SH3TC1: variants seen among roughly 807,000 people sequenced by gnomAD.
SH3TC1 encodes SH3 domain and tetratricopeptide repeat-containing protein 1.
SH3TC1 carries 135 observed loss-of-function variants against 117.3 expected under a neutral mutation model. That is an observed-to-expected ratio of 1.15 (90% CI 1.00 to 1.33). The LOEUF (loss-of-function observed/expected upper bound fraction) is 1.33. Ranked by LOEUF, SH3TC1 falls within the 40% of genes most tolerant of loss-of-function variation. The probability of loss-of-function intolerance (pLI) is 0.00; values close to 1 mark genes in which losing one functional copy is unlikely to be tolerated. For missense variants in SH3TC1, 2,092 were observed against 1,794.3 expected, an observed-to-expected ratio of 1.17 and a Z score of -3.00; for synonymous variants, 898 against 816.9, an observed-to-expected ratio of 1.10 and a Z score of -1.69.
intron 12 of SH3TC1, chr4:8,229,355 G>C (rs1195589013): frequency 1.3e-5 from 2 of 150,452 alleles, no homozygotes; most frequent in East Asian, 4.0e-4. Context: ...AGTAATACGT[G>C]GTGGGTGAGG....
chr4:8,227,913 C>A lies in SH3TC1; in HGVS notation c.2219C>A (p.Ser740Ter). The A allele has an allele frequency of 6.2e-7, 1 of 1,612,652 alleles. No individual in the cohort carries two copies. The highest frequency in any genetic ancestry group is 8.5e-7 in the Non-Finnish European group (1 of 1,179,932). The change falls in exon 12 of 18, where the codon TCG becomes TAG. Residue 740 changes from serine (S) to a stop codon, truncating the protein, a stop_gained. Transcript: ENST00000245105. LOFTEE classifies it high-confidence loss of function. ...GTGGCCTCATTGCGGACACGGGGCT[C>A]GCTGGCCGGCTCGCTGAGGAGTGTG... ...VKVASLRTRG[S>*]LAGSLRSVNL...
At position 8,218,741 on chromosome 4, in the gene SH3TC1, G is replaced by A. The variant is rs573284085; in HGVS notation, c.916+394G>A. Among the ~76,000 whole-genome samples the A allele has an allele frequency of 1.9e-3, 293 of 152,364 alleles. 1 individual carries two copies. Among genetic ancestry groups the A allele is most frequent in the African/African-American group, 6.6e-3 (274 of 41,594 alleles). ...GGAAACGCCTGGAAGGCCCTGGGCCGAGGTGGGCTGGCGCTGGCTGAATTT... is the reference window on the plus strand; with the variant it reads ...GGAAACGCCTGGAAGGCCCTGGGCCAAGGTGGGCTGGCGCTGGCTGAATTT... On this transcript the variant is annotated intron_variant, in intron 8 of 17. Transcript: ENST00000245105.
chr4:8,239,949 C>T lies in SH3TC1; in HGVS notation c.3754-749C>T, dbSNP rs368905239. 9.6e-4 allele frequency among the ~76,000 whole-genome samples: 147 copies of T among 152,336 alleles called. 1 individual carries two copies. Among genetic ancestry groups the T allele is most frequent in the African/African-American group, 3.2e-3 (133 of 41,588 alleles). ...TCGCACCCCTGCCCTGTGTGTGGGGCGGGGCCGTGAGGGCATGGGCTGCTG... is the reference window on the plus strand; with the variant it reads ...TCGCACCCCTGCCCTGTGTGTGGGGTGGGGCCGTGAGGGCATGGGCTGCTG... On this transcript the variant is annotated intron_variant, in intron 17 of 17. Transcript: ENST00000245105.
chr4:8,226,537 C>T (rs1720472236), intron 11 of SH3TC1, among the ~76,000 whole-genome samples: 1 of 152,204 alleles, frequency 6.6e-6, no homozygotes, highest in Non-Finnish European at 1.5e-5. Flanking sequence ...TCATGGATTC[C>T]TGTACCCCAT....
In SH3TC1 at chr4:8,232,395, C is replaced by T. The variant is rs760157168; in HGVS notation, c.3131+239C>T. 9 of 1,579,796 alleles carry T rather than the reference C, an allele frequency of 5.7e-6. No homozygotes were observed. In the South Asian group the frequency reaches 6.7e-5, roughly 12 times the overall value. ...ACACGTCTTCCCATCCCTGCTTGCA[C>T]ACCTCCCCAAAGGTCATCTCAACCC... On this transcript the variant is annotated intron_variant, in intron 13 of 17. Transcript: ENST00000245105.
At chr4:8,235,086 G>A (rs1011294580) in intron 14 of SH3TC1, among the ~76,000 whole-genome samples, 4 of 152,258 alleles carry the variant, frequency 2.6e-5, no homozygotes, top group African/African-American at 9.6e-5. Context: ...GCTGTGGCAG[G>A]GATGTGGCAA....
Position 8,205,981 on chromosome 4 carries a change from T to A in SH3TC1, c.172+615T>A. On this transcript the variant is annotated intron_variant, in intron 2 of 17. Coordinates refer to ENST00000245105, the MANE Select transcript of SH3TC1 (RefSeq NM_018986.5). This position sits in a 1 kb window ranked among gnomAD's most constrained non-coding sequence, Gnocchi z 5.4. ...GACAGCTGCGGTTGTGACCCGTCCC[T>A]GGGCCTCGTCCTCCCAGTGTCCAGC... 2.6e-6 allele frequency: 1 copy of A among 390,092 alleles called. No individual in the cohort carries two copies. Among genetic ancestry groups the A allele is most frequent in the Non-Finnish European group, 4.7e-6 (1 of 214,892 alleles). The allele number at this position is 390,092 out of a possible 1,614,324, so 24.2% of individuals were successfully genotyped here.
chr4:8,235,625 G>A (rs1721742025), intron 15 of SH3TC1, 70 bp downstream of exon 15: 4 of 1,484,068 alleles, frequency 2.7e-6, no homozygotes, highest in Non-Finnish European at 3.6e-6. Context: ...GCACAGGTGT[G>A]GCAGGGCAGA....
rs762852482 is a variant in SH3TC1 at position 8,214,592 on chromosome 4, ACCCT to A, written c.481+16_481+19del. 20 of 1,611,312 alleles carry A rather than the reference ACCCT, an allele frequency of 1.2e-5. No individual in the cohort carries two copies. The highest frequency in any genetic ancestry group is 1.6e-5 in the Non-Finnish European group (19 of 1,178,048). ...CTACCATGCTCTCGGTAAAGAGGTG[ACCCT>A]CCCAGAATTGGTCATGGGGACGCCC... is the stretch of plus-strand genomic sequence containing the variant. On this transcript the variant is annotated intron_variant, in intron 5 of 17. Transcript: ENST00000245105.
chr4:8,182,393 TC>T (rs1284209895), intron 1 of SH3TC1, among the ~76,000 whole-genome samples: 2 of 152,054 alleles, frequency 1.3e-5, no homozygotes, highest in African/African-American at 4.8e-5. Context: ...GGGTGCTGCC[TC>T]GAATGGGGTT....
rs1717221574 is a variant in SH3TC1, at chr4:8,186,322, G to C, written c.-57+4112G>C. ...GCCAGTTCTCCCCAGAACTGTCAAG[G>C]TCAGGAAAACAGGGACATCTGAAAA... is the stretch of plus-strand genomic sequence containing the variant. On this transcript the variant is annotated intron_variant, in intron 1 of 16. Coordinates refer to the SH3TC1 transcript ENST00000508641. The surrounding 1 kb of genome is among the most constrained non-coding windows in gnomAD (Gnocchi z 5.2). Among the ~76,000 whole-genome samples the C allele has an allele frequency of 6.6e-6, 1 of 152,208 alleles. No homozygotes were observed. The highest frequency in any genetic ancestry group is 6.5e-5 in the Admixed American group (1 of 15,278).
intron 10 of SH3TC1, among the ~76,000 whole-genome samples, chr4:8,224,816 A>T (rs1419576950): frequency 6.6e-6 from 1 of 152,130 alleles, no homozygotes; most frequent in Non-Finnish European, 1.5e-5. Flanking sequence ...CGTGCTCCCC[A>T]CTGATGATGG....
Position 8,209,555 on chromosome 4 carries a change from G to T in SH3TC1, c.173-193G>T, listed in dbSNP as rs1467205921. Reference sequence around the variant, plus strand: ...AGTGTGGGGCAGCTTGTCACAGCATGCTGGGAAGTGCAGGCAGCTTCCCTC... The same window carrying T: ...AGTGTGGGGCAGCTTGTCACAGCATTCTGGGAAGTGCAGGCAGCTTCCCTC... On this transcript the variant is annotated intron_variant, in intron 2 of 17. Transcript: ENST00000245105. This position sits in a 1 kb window ranked among gnomAD's most constrained non-coding sequence, Gnocchi z 5.9. The T allele has an allele frequency of 1.5e-6, 2 of 1,306,474 alleles. No homozygotes were observed. Among genetic ancestry groups the T allele is most frequent in the Non-Finnish European group, 2.1e-6 (2 of 944,726 alleles). 80.9% of individuals were successfully genotyped at this position (1,306,474 alleles called of 1,614,324 possible).
intron 9 of SH3TC1, 43 bp from the exon 10 acceptor site, chr4:8,222,788 ATGCTGACTT>A: frequency 6.3e-7 from 1 of 1,591,528 alleles, no homozygotes; most frequent in Non-Finnish European, 8.6e-7. Flanking sequence ...TTAGTGTGAA[ATGCTGACTT>A]TGCAAATATG....
At chr4:8,229,402 A>G (rs1167086176) in intron 12 of SH3TC1, 10 of 127,760 alleles carry the variant, frequency 7.8e-5, no homozygotes, top group African/African-American at 2.9e-4. Context: ...CCCAGGGGTG[A>G]GCGAGTAGGG....
intron 12 of SH3TC1, chr4:8,229,256 G>A (rs1258007983): frequency 6.6e-6 from 1 of 151,936 alleles, no homozygotes; most frequent in Non-Finnish European, 1.5e-5. Flanking sequence ...GCCACAAAAG[G>A]GTGAGTGGTG....
chr4:8,220,571 T>C (rs975936902), intron 9 of SH3TC1, among the ~76,000 whole-genome samples: 1 of 152,172 alleles, frequency 6.6e-6, no homozygotes, highest in African/African-American at 2.4e-5. Flanking sequence ...CATCCTTTGA[T>C]GGAATTCTGT....
At chr4:8,188,032 C>G (rs1188312382) in intron 1 of SH3TC1, among the ~76,000 whole-genome samples, 2 of 152,206 alleles carry the variant, frequency 1.3e-5, no homozygotes, top group Non-Finnish European at 2.9e-5. Flanking sequence ...ATGGATCACA[C>G]TTCGTTACTT....
chr4:8,204,470 C>T (rs1718034100), intron 1 of SH3TC1, among the ~76,000 whole-genome samples: 1 of 152,228 alleles, frequency 6.6e-6, no homozygotes, highest in African/African-American at 2.4e-5. Flanking sequence ...CTGCCCTGGC[C>T]ATGGTGTTCT....
Sources: gnomAD v4.1 joint callset for allele counts (sites outside exome capture counted in the v4.1 genomes callset) on GRCh38, gnomAD v4.1.1 for gene constraint, Gnocchi (gnomAD v3.1) non-coding constraint, MANE v1.5 for transcripts, NCBI Gene and HGNC (gene_info 2026-07-23, HGNC 2026-07-21) for gene names.